The following ASTN2 variants were observed in gnomAD, a reference collection of about 807,000 sequenced individuals.
ASTN2 encodes astrotactin-2.
ASTN2 carries 54 observed loss-of-function variants against 139.8 expected under a neutral mutation model. That is an observed-to-expected ratio of 0.39 (90% CI 0.31 to 0.48). The LOEUF is 0.48. ASTN2 is among the 20% of genes least tolerant of loss of function. The pLI, the probability that ASTN2 is intolerant of heterozygous loss-of-function variation, is 0.95. For missense variants in ASTN2, 1,565 were observed against 1,725.1 expected, an observed-to-expected ratio of 0.91 and a Z score of 1.64; for synonymous variants, 756 against 719.5, an observed-to-expected ratio of 1.05 and a Z score of -0.81.
intron 13 of ASTN2, among the ~76,000 whole-genome samples, chr9:116,757,535 A>G (rs976604866): frequency 2.6e-5 from 4 of 152,064 alleles, no homozygotes; most frequent in Non-Finnish European, 5.9e-5. Context: ...TCATGCAGAC[A>G]TATTAGTAAA....
At chr9:116,823,005 C>T (rs1474577198) in intron 11 of ASTN2, among the ~76,000 whole-genome samples, 2 of 152,084 alleles carry the variant, frequency 1.3e-5, no homozygotes, top group Non-Finnish European at 2.9e-5. Context: ...TGTGATGTGG[C>T]CACAAACCGA....
intron 2 of ASTN2, among the ~76,000 whole-genome samples, chr9:117,244,556 GGGAA>G (rs201530744): frequency 1.0e-3 from 118 of 115,708 alleles, no homozygotes; most frequent in African/African-American, 2.7e-3. Context: ...TAGGACAGTG[GGGAA>G]GGAAGGAAGG....
At position 116,946,144 on chromosome 9, in the gene ASTN2, C is replaced by T. The variant is rs186942144; in HGVS notation, c.1889+29064G>A. On this transcript the variant is annotated intron_variant, in intron 10 of 22. Transcript: ENST00000313400. ...TGATTCAGTCACCTTCCACCAGGTC[C>T]CTCCCTGACACTTGGGGATTACAAT... Among the ~76,000 whole-genome samples, 20 of 152,280 alleles carry T rather than the reference C, an allele frequency of 1.3e-4. No individual in the cohort carries two copies. The East Asian group carries it at 3.5e-3, about 26-fold the overall frequency.
At chr9:117,134,060 C>T (rs1207000319) in intron 4 of ASTN2, among the ~76,000 whole-genome samples, 2 of 151,660 alleles carry the variant, frequency 1.3e-5, no homozygotes, top group African/African-American at 4.9e-5. Context: ...CCCAAAAATC[C>T]TTGGTAGGAA....
chr9:117,378,778 GAT>G (rs1470572399), intron 1 of ASTN2, among the ~76,000 whole-genome samples: 1 of 152,158 alleles, frequency 6.6e-6, no homozygotes, highest in Non-Finnish European at 1.5e-5. Context: ...ATATGTCTTA[GAT>G]ATGTTTTAGA....
In ASTN2 at chr9:117,304,322, G is replaced by A. The variant is rs527645750; in HGVS notation, c.443-12809C>T. On this transcript the variant is annotated intron_variant, in intron 1 of 22. Coordinates refer to ENST00000313400, the MANE Select transcript of ASTN2 (RefSeq NM_001365068.1). ...GGTTGGGCTTTCCTGCTCTGTGCGT[G>A]TCACGCTATATGTAATCATTGCTTC... Among the ~76,000 whole-genome samples the A allele has an allele frequency of 8.5e-5, 13 of 152,288 alleles. No individual in the cohort carries two copies. In the South Asian group the frequency reaches 2.7e-3, roughly 32 times the overall value.
At chr9:116,452,634 C>A (rs889591433) in intron 20 of ASTN2, among the ~76,000 whole-genome samples, 1 of 152,194 alleles carries the variant, frequency 6.6e-6, no homozygotes, top group African/African-American at 2.4e-5. Context: ...TACAAGGAGG[C>A]AAGTGAGCCT....
intron 3 of ASTN2, among the ~76,000 whole-genome samples, chr9:117,194,869 C>T: frequency 6.6e-6 from 1 of 152,100 alleles, no homozygotes; most frequent in Admixed American, 6.6e-5. Context: ...CTTGAAAATG[C>T]TAAACAAGAT....
chr9:116,841,969 T>C (rs530089902), intron 11 of ASTN2, among the ~76,000 whole-genome samples: 1 of 152,252 alleles, frequency 6.6e-6, no homozygotes, highest in Admixed American at 6.5e-5. Context: ...CCTTGGGTCA[T>C]ACAGCAAGCA....
At chr9:116,540,467 A>G (rs746443121) in intron 19 of ASTN2, 3 of 152,242 alleles carry the variant, frequency 2.0e-5, no homozygotes, top group Non-Finnish European at 2.9e-5. Context: ...GATGCATGGA[A>G]TAACACGTGA....
At chr9:117,279,969 G>A (rs759195877) in intron 2 of ASTN2, among the ~76,000 whole-genome samples, 15 of 151,856 alleles carry the variant, frequency 9.9e-5, no homozygotes, top group East Asian at 1.9e-4. Context: ...TAATGTCCTT[G>A]TTTTTCCACT....
chr9:116,840,291 C>T (rs967515368), intron 11 of ASTN2, among the ~76,000 whole-genome samples: 10 of 151,032 alleles, frequency 6.6e-5, no homozygotes, highest in African/African-American at 2.2e-4. Context: ...TACACAGACA[C>T]GGCAACCATC....
chr9:117,233,197 C>A (rs1475393410), intron 2 of ASTN2, among the ~76,000 whole-genome samples: 1 of 152,184 alleles, frequency 6.6e-6, no homozygotes, highest in Non-Finnish European at 1.5e-5. Context: ...GGGGCTGCAA[C>A]TGGGAGGAGG....
chr9:117,214,823 ACT>A, intron 2 of ASTN2, 81 bp from the exon 3 acceptor site: 2 of 1,337,164 alleles, frequency 1.5e-6, no homozygotes, highest in East Asian at 5.2e-5. Flanking sequence ...TGTCCACTAC[ACT>A]CTGCCAGGAT....
At chr9:117,149,532 T>C (rs1830280201) in intron 3 of ASTN2, among the ~76,000 whole-genome samples, 1 of 152,108 alleles carries the variant, frequency 6.6e-6, no homozygotes, top group Non-Finnish European at 1.5e-5. Context: ...CTTTGGACTT[T>C]GCACAGTCAA....
chr9:117,210,537 C>A (rs558053088), intron 3 of ASTN2, among the ~76,000 whole-genome samples: 1 of 152,166 alleles, frequency 6.6e-6, no homozygotes, highest in East Asian at 1.9e-4. Flanking sequence ...CAGACCAAAA[C>A]AAGTAATGAG....
At chr9:116,738,178 C>T (rs1260144234) in intron 13 of ASTN2, among the ~76,000 whole-genome samples, 3 of 136,720 alleles carry the variant, frequency 2.2e-5, no homozygotes, top group Admixed American at 7.5e-5. Context: ...GGCGACAGAG[C>T]GAGACTCCGT....
intron 6 of ASTN2, among the ~76,000 whole-genome samples, chr9:117,021,944 G>A (rs1406249229): frequency 2.0e-5 from 3 of 152,130 alleles, no homozygotes; most frequent in Non-Finnish European, 4.4e-5. Context: ...AAAAGAAAAT[G>A]TTGCCTTGTT....
intron 16 of ASTN2, among the ~76,000 whole-genome samples, chr9:116,718,974 A>ATATATATATATATAT (rs1564230166): frequency 2.3e-5 from 2 of 88,108 alleles, no homozygotes; most frequent in Non-Finnish European, 4.3e-5. Flanking sequence ...CTGTATCTGT[A>ATATATATATATATAT]CATATATATA....
Sources: allele counts gnomAD v4.1 joint callset (sites outside exome capture counted in the v4.1 genomes callset), GRCh38; gene constraint gnomAD v4.1.1; transcripts MANE v1.5; gene names NCBI Gene and HGNC (gene_info 2026-07-23, HGNC 2026-07-21).